The following BIRC6 variants were observed in gnomAD, a reference collection of about 807,000 sequenced individuals.
BIRC6 encodes baculoviral IAP repeat containing 6.
BIRC6 carries 98 observed loss-of-function variants against 503.3 expected under a neutral mutation model. That is an observed-to-expected ratio of 0.19 (90% CI 0.17 to 0.23). The LOEUF (loss-of-function observed/expected upper bound fraction) is 0.23. BIRC6 is among the 10% of genes least tolerant of loss of function. The pLI is 1.00. For missense variants in BIRC6, 5,360 were observed against 5,806.0 expected, an observed-to-expected ratio of 0.92 and a Z score of 2.50; for synonymous variants, 2,240 against 2,078.7, an observed-to-expected ratio of 1.08 and a Z score of -2.11.
At chr2:32,490,590 T>C (rs1430723012) in intron 43 of BIRC6, among the ~76,000 whole-genome samples, 1 of 152,184 alleles carries the variant, frequency 6.6e-6, no homozygotes, top group Non-Finnish European at 1.5e-5. Flanking sequence ...TTAGTTCTTA[T>C]ATATCCTTTG....
chr2:32,565,448 G>A (rs780417300), intron 65 of BIRC6: 1 of 152,078 alleles, frequency 6.6e-6, no homozygotes, highest in Non-Finnish European at 1.5e-5. Flanking sequence ...AAGCTTTAAG[G>A]TGGTATCTAA....
intron 55 of BIRC6, among the ~76,000 whole-genome samples, chr2:32,517,356 C>CAAA (rs1340086231): frequency 1.3e-5 from 2 of 152,000 alleles, no homozygotes; most frequent in Non-Finnish European, 2.9e-5. Context: ...AAAACCTAAA[C>CAAA]AAAACAGAGG....
chr2:32,412,510 A>G (rs2041995957), intron 9 of BIRC6, among the ~76,000 whole-genome samples: 2 of 152,102 alleles, frequency 1.3e-5, no homozygotes, highest in South Asian at 2.1e-4. Flanking sequence ...AAAAAACAAA[A>G]AAAAAGAAAA....
intron 54 of BIRC6, among the ~76,000 whole-genome samples, chr2:32,514,721 A>G (rs1386014309): frequency 1.3e-5 from 2 of 152,206 alleles, no homozygotes; most frequent in African/African-American, 2.4e-5. Flanking sequence ...ACAGAATGAT[A>G]GAACCATTTT....
intron 71 of BIRC6, among the ~76,000 whole-genome samples, chr2:32,605,033 C>T (rs1348087490): frequency 6.6e-5 from 10 of 151,910 alleles, no homozygotes; most frequent in Non-Finnish European, 1.5e-4. Context: ...CAGACATGCA[C>T]CACCACACCC....
At chr2:32,516,703 A>G (rs527822086) in intron 55 of BIRC6, among the ~76,000 whole-genome samples, 1 of 152,112 alleles carries the variant, frequency 6.6e-6, no homozygotes, top group South Asian at 2.1e-4. Context: ...ATTTATCATA[A>G]TAAATTAAAT....
intron 71 of BIRC6, among the ~76,000 whole-genome samples, chr2:32,603,875 A>T (rs897046360): frequency 2.6e-5 from 4 of 151,390 alleles, no homozygotes; most frequent in Non-Finnish European, 1.5e-5. Context: ...CAATATAAAT[A>T]TATGTATATA....
intron 23 of BIRC6, among the ~76,000 whole-genome samples, chr2:32,461,589 G>GTT (rs202245830): frequency 1.7e-4 from 24 of 141,984 alleles, no homozygotes; most frequent in African/African-American, 4.9e-4. Flanking sequence ...AATGAGTGGT[G>GTT]TTTTTTTTTT....
chr2:32,519,726 C>A (rs918344625), intron 57 of BIRC6, among the ~76,000 whole-genome samples: 3 of 152,078 alleles, frequency 2.0e-5, no homozygotes, highest in Non-Finnish European at 2.9e-5. Context: ...CCATGTTGGC[C>A]AGGCTGGTCT....
At chr2:32,397,574 C>CTGTGTGTGTGTGTGTGTGTG (rs147651911) in intron 6 of BIRC6, among the ~76,000 whole-genome samples, 6 of 138,020 alleles carry the variant, frequency 4.3e-5, no homozygotes, top group African/African-American at 1.4e-4. Flanking sequence ...CCCGTAAAGG[C>CTGTGTGTGTGTGTGTGTGTG]TGTGTGTGTG....
chr2:32,558,021 G>A (rs965091834), intron 65 of BIRC6: 1 of 152,106 alleles, frequency 6.6e-6, no homozygotes, highest in Non-Finnish European at 1.5e-5. Context: ...ACTAGAAAAT[G>A]TATTTACTAG....
At chr2:32,564,474 A>C (rs1012344444) in intron 65 of BIRC6, 1 of 152,204 alleles carries the variant, frequency 6.6e-6, no homozygotes, top group Non-Finnish European at 1.5e-5. Flanking sequence ...TTCCTTTGGT[A>C]ATATACCTAG....
intron 33 of BIRC6, 54 bp from the exon 34 acceptor site, chr2:32,476,159 A>AT (rs2049741269): frequency 2.2e-6 from 3 of 1,382,344 alleles, no homozygotes; most frequent in Admixed American, 2.6e-5. Flanking sequence ...GAGTATAATA[A>AT]TTTTTTTGTT....
At chr2:32,375,743 CT>C (rs34370291) in intron 1 of BIRC6, among the ~76,000 whole-genome samples, 73,850 of 138,222 alleles carry the variant, frequency 0.53, 18,948 homozygotes, top group East Asian at 0.68. Flanking sequence ...CTTTCTCTCT[CT>C]TTTTTTTTTT....
chr2:32,598,057 C>A, intron 69 of BIRC6, 89 bp downstream of exon 69: 3 of 1,206,534 alleles, frequency 2.5e-6, no homozygotes, highest in Non-Finnish European at 2.3e-6. Flanking sequence ...AAATACTATA[C>A]AAATAAATTA....
At chr2:32,536,773 T>A (rs1362279163) in intron 61 of BIRC6, among the ~76,000 whole-genome samples, 17 of 152,190 alleles carry the variant, frequency 1.1e-4, no homozygotes. Flanking sequence ...GACTTAGGAT[T>A]GACTTGGCAA....
intron 61 of BIRC6, among the ~76,000 whole-genome samples, chr2:32,541,081 T>C (rs2057627830): frequency 6.6e-6 from 1 of 152,088 alleles, no homozygotes; most frequent in African/African-American, 2.4e-5. Context: ...TGTTTTGTTT[T>C]GTGGCATCAT....
intron 71 of BIRC6, among the ~76,000 whole-genome samples, chr2:32,603,359 CTG>C (rs2062196026): frequency 6.6e-6 from 1 of 152,074 alleles, no homozygotes; most frequent in South Asian, 2.1e-4. Context: ...CCACCGTTAC[CTG>C]TGTTTCTTGA....
chr2:32,401,592 T>G lies in BIRC6; in HGVS notation c.1387T>G (p.Cys463Gly), dbSNP rs757246195. Reference protein sequence around the residue: ...TLAWLEDSSSCSDIPKLEGDS... With the variant: ...TLAWLEDSSSGSDIPKLEGDS... Reference sequence around the variant, plus strand: ...GGCGTGGCTGGAGGACTCCTCTAGTTGCTCAGATATACCAAAATTGGAAGG... The same window carrying G: ...GGCGTGGCTGGAGGACTCCTCTAGTGGCTCAGATATACCAAAATTGGAAGG... Residue 463 changes from cysteine to glycine, a missense_variant, in exon 8 of 74, where the codon TGC becomes GGC. Physicochemically the swap from Cys to Gly is radical, Grantham distance 159. Transcript: ENST00000421745. The G allele has an allele frequency of 1.2e-6, 2 of 1,613,790 alleles. No homozygotes were observed. Among genetic ancestry groups the G allele is most frequent in the Non-Finnish European group, 8.5e-7 (1 of 1,179,844 alleles).
Sources: gnomAD v4.1 joint callset for allele counts (sites outside exome capture counted in the v4.1 genomes callset) on GRCh38, gnomAD v4.1.1 for gene constraint, MANE v1.5 for transcripts, NCBI Gene and HGNC (gene_info 2026-07-23, HGNC 2026-07-21) for gene names.